The following PRRT1B variants were observed in gnomAD, a reference collection of about 807,000 sequenced individuals.
The protein encoded by PRRT1B is proline rich transmembrane protein 1B.
intron 1 of PRRT1B, among the ~76,000 whole-genome samples, chr9:131,546,427 G>A (rs1421966012): frequency 6.6e-6 from 1 of 152,126 alleles, no homozygotes; most frequent in Non-Finnish European, 1.5e-5. Context: ...GCAAGGAACC[G>A]AGACCTCGTC....
At chr9:131,558,427 T>G (rs1951064403) in exon 4 of PRRT1B, 1 of 379,204 alleles carries the variant, frequency 2.6e-6, no homozygotes, top group Non-Finnish European at 4.7e-6. Flanking sequence ...GTCAGTGTCC[T>G]AATCCAAGGT....
At chr9:131,554,289 G>A (rs1268521107) in intron 1 of PRRT1B, among the ~76,000 whole-genome samples, 2 of 152,030 alleles carry the variant, frequency 1.3e-5, no homozygotes, top group South Asian at 4.1e-4. Context: ...CCTCCCAATA[G>A]AGGCCATCTG....
intron 2 of PRRT1B, 65 bp from the exon 3 acceptor site, chr9:131,556,002 CCTT>C (rs1208547768): frequency 2.5e-6 from 1 of 399,398 alleles, no homozygotes; most frequent in East Asian, 3.6e-5. Context: ...GCCTGGCTGG[CCTT>C]CTCACTCACT....
chr9:131,547,643 C>T (rs954693931), intron 1 of PRRT1B, among the ~76,000 whole-genome samples: 2 of 152,218 alleles, frequency 1.3e-5, no homozygotes, highest in Admixed American at 6.5e-5. Flanking sequence ...TGACTCAGAT[C>T]GGGGGACCTC....
intron 1 of PRRT1B, among the ~76,000 whole-genome samples, chr9:131,553,223 A>G (rs779468988): frequency 2.6e-5 from 4 of 152,176 alleles, no homozygotes; most frequent in Non-Finnish European, 5.9e-5. Flanking sequence ...CATCACCACT[A>G]TCCATCTCTG....
rs117690801 is a variant in PRRT1B, at chr9:131,558,218, G to A, written c.*16G>A. 7.1e-3 allele frequency: 2,844 copies of A among 400,982 alleles called. 13 individuals carry two copies. Among genetic ancestry groups the A allele is most frequent in the Non-Finnish European group, 0.01 (2,364 of 226,358 alleles). The allele number at this position is 400,982 out of a possible 1,614,324, so 24.8% of individuals were successfully genotyped here. On this transcript the variant is annotated 3_prime_UTR_variant, in exon 4 of 4. Transcript: ENST00000636672. ...CCTTCCCTGAGGCTGTGGCTCCTGCGGAGATGCCGGATGCCGGAATGTCCA... is the reference window on the plus strand; with the variant it reads ...CCTTCCCTGAGGCTGTGGCTCCTGCAGAGATGCCGGATGCCGGAATGTCCA...
intron 2 of PRRT1B, 127 bp downstream of exon 2, chr9:131,555,156 G>A (rs2132011852): frequency 5.6e-6 from 1 of 177,648 alleles, no homozygotes; most frequent in Non-Finnish European, 9.5e-6. Context: ...CTCCCTGGAG[G>A]TGGGGGCATT....
chr9:131,547,719 G>T (rs765534771), intron 1 of PRRT1B, among the ~76,000 whole-genome samples: 5 of 152,048 alleles, frequency 3.3e-5, no homozygotes, highest in Admixed American at 6.5e-5. Context: ...CTACGACCTC[G>T]GGTCCTCAGA....
downstream of PRRT1B, among the ~76,000 whole-genome samples, chr9:131,559,559 C>A (rs1284760023): frequency 3.3e-5 from 5 of 152,204 alleles, no homozygotes; most frequent in South Asian, 8.3e-4. Context: ...TGCTTACAAC[C>A]CTGGCACCAG....
downstream of PRRT1B, among the ~76,000 whole-genome samples, chr9:131,559,256 A>C (rs7026723): frequency 5.3e-3 from 803 of 152,348 alleles, 11 homozygotes; most frequent in African/African-American, 0.019. Flanking sequence ...CAACCTGGCC[A>C]ACATGGCGAA....
exon 2 of PRRT1B, chr9:131,554,579 C>T (rs946744909): frequency 1.3e-4 from 53 of 395,926 alleles, no homozygotes; most frequent in Non-Finnish European, 2.0e-4. Context: ...AAGGGGGCGG[C>T]AGCCCCGCCA....
Position 131,556,564 on chromosome 9 carries a change from C to G in PRRT1B, c.642+351C>G, listed in dbSNP as rs75823952. Among the ~76,000 whole-genome samples the G allele has an allele frequency of 8.7e-3, 1,323 of 152,210 alleles. 14 individuals carry two copies. The highest frequency in any genetic ancestry group is 0.03 in the African/African-American group (1,263 of 41,536). On this transcript the variant is annotated intron_variant, in intron 3 of 3. Transcript: ENST00000636672. The stretch of plus-strand genomic sequence containing the variant: ...TGCTCATCTCATCTATCCATCCACC[C>G]CATCTCTCCATCTCTGTAGCTACCC...
chr9:131,550,192 C>T (rs1441012495), intron 1 of PRRT1B, among the ~76,000 whole-genome samples: 4 of 152,208 alleles, frequency 2.6e-5, no homozygotes, highest in Non-Finnish European at 4.4e-5. Flanking sequence ...GCAAGCCTCA[C>T]AGGCTAGTTC....
At chr9:131,546,027 T>C (rs551560908) in intron 1 of PRRT1B, among the ~76,000 whole-genome samples, 1 of 152,006 alleles carries the variant, frequency 6.6e-6, no homozygotes, top group South Asian at 2.1e-4. Flanking sequence ...AGGAAGCTGC[T>C]GTGGAAAGTT....
chr9:131,557,284 A>G (rs946600331), intron 3 of PRRT1B, among the ~76,000 whole-genome samples: 1 of 152,044 alleles, frequency 6.6e-6, no homozygotes, highest in African/African-American at 2.4e-5. Context: ...CACAAATGTA[A>G]CCCCAGCATT....
At chr9:131,555,838 AGGACTGAGGGCTCAGTG>A (rs545312284) in intron 2 of PRRT1B, among the ~76,000 whole-genome samples, 81 of 152,322 alleles carry the variant, frequency 5.3e-4, no homozygotes, top group African/African-American at 1.6e-3. Context: ...GGTAGAGGGC[AGGACTGAGGGCTCAGTG>A]GGACTGAGGG....
At chr9:131,546,899 G>T (rs991739453) in intron 1 of PRRT1B, among the ~76,000 whole-genome samples, 1 of 152,070 alleles carries the variant, frequency 6.6e-6, no homozygotes, top group Admixed American at 6.5e-5. Flanking sequence ...CACCATCCCG[G>T]AGAGACCTGT....
intron 1 of PRRT1B, among the ~76,000 whole-genome samples, chr9:131,547,065 C>CTTTGTTTTTTTTT (rs1950980947): frequency 9.9e-6 from 1 of 100,804 alleles, no homozygotes; most frequent in African/African-American, 4.9e-5. Context: ...CTCCTGTTCG[C>CTTTGTTTTTTTTT]TTTTTTTTTT....
intron 1 of PRRT1B, among the ~76,000 whole-genome samples, chr9:131,550,933 CTTTTTCTTTTTTTTTTTTT>C (rs1314558586): frequency 8.6e-6 from 1 of 116,856 alleles, no homozygotes; most frequent in South Asian, 2.6e-4. Context: ...TTTTTCTTTT[CTTTTTCTTTTTTTTTTTTT>C]TTTTTTTTGA....
Sources: allele counts gnomAD v4.1 joint callset (sites outside exome capture counted in the v4.1 genomes callset), GRCh38; gene constraint gnomAD v4.1.1; transcripts MANE v1.5; gene names NCBI Gene and HGNC (gene_info 2026-07-23, HGNC 2026-07-21).